Variants in ABLIM1 observed in about 807,000 individuals in gnomAD.
ABLIM1 encodes the protein actin binding LIM protein 1.
In ABLIM1, 40 loss-of-function variants were observed where a neutral mutation model predicts 107.0. That is an observed-to-expected ratio of 0.37 (90% CI 0.29 to 0.49). ABLIM1 has a LOEUF of 0.49. ABLIM1 is among the 20% of genes least tolerant of loss of function. The pLI is 0.97. For synonymous variants in ABLIM1, 357 were observed against 357.3 expected (o/e 1.00, Z 0.01); for missense variants, 857 against 1,008.5 (o/e 0.85, Z 2.04).
intron 1 of ABLIM1, among the ~76,000 whole-genome samples, chr10:114,647,471 G>A (rs1002494966): frequency 3.9e-5 from 6 of 152,160 alleles, no homozygotes; most frequent in Admixed American, 3.9e-4. Context: ...AAACAGAACT[G>A]GGAATTGTCC....
chr10:114,450,433 TTC>T (rs1491404522), intron 14 of ABLIM1, among the ~76,000 whole-genome samples: 18,049 of 133,264 alleles, frequency 0.14, 1,553 homozygotes, highest in African/African-American at 0.22. Flanking sequence ...CTTTCTTTCT[TTC>T]TTTTTTTTTT....
the ABLIM1 span, among the ~76,000 whole-genome samples, chr10:114,780,156 C>A: frequency 6.6e-6 from 1 of 152,136 alleles, no homozygotes; most frequent in Admixed American, 6.5e-5. Context: ...TCTTCTCCAC[C>A]TCATCTTTAG....
At chr10:114,490,974 ATGTGTGTG>A (rs140256636) in intron 7 of ABLIM1, among the ~76,000 whole-genome samples, 15 of 99,270 alleles carry the variant, frequency 1.5e-4, no homozygotes, top group African/African-American at 3.9e-4. Context: ...CGGCATATAT[ATGTGTGTG>A]TGTGTGTGTG....
At chr10:114,731,862 G>A (rs202200943) in intron 1 of ABLIM1, among the ~76,000 whole-genome samples, 17 of 152,148 alleles carry the variant, frequency 1.1e-4, no homozygotes, top group African/African-American at 3.9e-4. Context: ...CACCTGCCTC[G>A]GCCTCCCAAA....
intron 1 of ABLIM1, among the ~76,000 whole-genome samples, chr10:114,624,790 C>T (rs1239331985): frequency 1.3e-5 from 2 of 149,628 alleles, no homozygotes; most frequent in Non-Finnish European, 3.0e-5. Flanking sequence ...TTTTTTTAAA[C>T]ATGTGAAATC....
chr10:114,751,999 C>T (rs2082524833), intron 1 of ABLIM1, among the ~76,000 whole-genome samples: 1 of 152,114 alleles, frequency 6.6e-6, no homozygotes, highest in Non-Finnish European at 1.5e-5. Context: ...TAGGATGGAG[C>T]CAGCACCTTC....
chr10:114,672,305 A>G (rs1242701751), intron 1 of ABLIM1, among the ~76,000 whole-genome samples: 2 of 152,030 alleles, frequency 1.3e-5, no homozygotes, highest in African/African-American at 4.8e-5. Flanking sequence ...GGTTCAAGCA[A>G]TCCTCCCACT....
chr10:114,695,426 G>GGC, intron 1 of ABLIM1, among the ~76,000 whole-genome samples: 1 of 152,240 alleles, frequency 6.6e-6, no homozygotes, highest in East Asian at 1.9e-4. Context: ...GGCTCAGAGA[G>GGC]GCTACATCAT....
chr10:114,794,251 T>C, the ABLIM1 span, among the ~76,000 whole-genome samples: 1 of 152,262 alleles, frequency 6.6e-6, no homozygotes, highest in African/African-American at 2.4e-5. Context: ...CTGCTTCATT[T>C]TCTCTTCACT....
At chr10:114,714,969 C>A (rs2141984333) in intron 1 of ABLIM1, among the ~76,000 whole-genome samples, 1 of 151,964 alleles carries the variant, frequency 6.6e-6, no homozygotes, top group South Asian at 2.1e-4. Flanking sequence ...AAGAGTGACT[C>A]CAATGTCAAC....
chr10:114,670,739 A>G (rs975222072), intron 1 of ABLIM1, among the ~76,000 whole-genome samples: 1 of 152,216 alleles, frequency 6.6e-6, no homozygotes, highest in African/African-American at 2.4e-5. Context: ...AGCGATGAGA[A>G]GTTCAAGTCA....
intron 7 of ABLIM1, among the ~76,000 whole-genome samples, chr10:114,488,778 A>G (rs1027371178): frequency 1.3e-4 from 20 of 152,318 alleles, no homozygotes; most frequent in Non-Finnish European, 2.8e-4. Context: ...TAAGAATCCA[A>G]TGCCTGCTCA....
upstream of ABLIM1, among the ~76,000 whole-genome samples, chr10:114,689,726 T>A (rs558306569): frequency 6.6e-6 from 1 of 151,996 alleles, no homozygotes; most frequent in Non-Finnish European, 1.5e-5. Context: ...TTTTTTTTTC[T>A]CTTTATGATC....
intron 1 of ABLIM1, chr10:114,632,279 C>G (rs918741751): frequency 1.0e-6 from 1 of 985,422 alleles, no homozygotes; most frequent in Non-Finnish European, 1.2e-6. Flanking sequence ...TTCCTCGCAC[C>G]GAGGACGGGC....
In ABLIM1 at chr10:114,441,035, C is replaced by T. The variant is rs1290223405; in HGVS notation, c.2041G>A (p.Val681Ile). 1 of 1,591,228 alleles carries T rather than the reference C, an allele frequency of 6.3e-7. No homozygotes were observed. Among genetic ancestry groups the T allele is most frequent in the South Asian group, 1.1e-5 (1 of 87,212 alleles). Reference protein sequence around the residue: ...DFAQYNSYGDVSGGVRDYQTL... With the variant: ...DFAQYNSYGDISGGVRDYQTL... The stretch of plus-strand genomic sequence containing the variant: ...GCCTCACCTCGCACTCCCCCGCTGA[C>T]ATCCCCATAGCTGTTATACTGAGCG... Residue 681 changes from valine to isoleucine, a missense_variant, in exon 19 of 23, where the codon GTC becomes ATC. Coordinates refer to ENST00000533213, the MANE Select transcript of ABLIM1 (RefSeq NM_002313.7).
chr10:114,473,187 A>C (rs2066918730), intron 9 of ABLIM1, 55 bp from the exon 10 acceptor site: 3 of 1,515,788 alleles, frequency 2.0e-6, no homozygotes, highest in Non-Finnish European at 8.9e-7. Context: ...GCTTTAGGAA[A>C]CTGTAGTTGG....
At chr10:114,501,351 C>T (rs2060397124) in intron 6 of ABLIM1, among the ~76,000 whole-genome samples, 1 of 152,188 alleles carries the variant, frequency 6.6e-6, no homozygotes, top group South Asian at 2.1e-4. Context: ...TTTTCCCAGG[C>T]CTCAGGAGCT....
chr10:114,760,036 C>A (rs1268410169), intron 1 of ABLIM1, among the ~76,000 whole-genome samples: 2 of 152,164 alleles, frequency 1.3e-5, no homozygotes, highest in Admixed American at 1.3e-4. Flanking sequence ...AAAACCATGA[C>A]AATCTTTACT....
At chr10:114,441,132 C>A in intron 18 of ABLIM1, 55 bp from the exon 19 acceptor site, 2 of 1,510,230 alleles carry the variant, frequency 1.3e-6, no homozygotes, top group South Asian at 2.5e-5. Flanking sequence ...GTTTTGGAGT[C>A]AGGTGAAAAG....
Sources: gnomAD v4.1 joint callset for allele counts (sites outside exome capture counted in the v4.1 genomes callset) on GRCh38, gnomAD v4.1.1 for gene constraint, MANE v1.5 for transcripts, NCBI Gene and HGNC (gene_info 2026-07-23, HGNC 2026-07-21) for gene names.